FBXW7: variants seen among roughly 807,000 people sequenced by gnomAD.
FBXW7 encodes F-box/WD repeat-containing protein 7.
In FBXW7, 11 loss-of-function variants were observed where a neutral mutation model predicts 86.3. That is an observed-to-expected ratio of 0.13 (90% CI 0.08 to 0.21). The LOEUF (loss-of-function observed/expected upper bound fraction) is 0.21, where lower values mean the gene tolerates loss of function less well. FBXW7 is among the 10% of genes least tolerant of loss of function. The pLI, the probability that FBXW7 is intolerant of heterozygous loss-of-function variation, is 1.00. For missense variants in FBXW7, 488 were observed against 847.4 expected (o/e 0.58, Z 5.27); for synonymous variants, 313 against 297.9 (o/e 1.05, Z -0.52).
At chr4:152,463,986 C>T (rs1177286724) in intron 2 of FBXW7, among the ~76,000 whole-genome samples, 1 of 152,010 alleles carries the variant, frequency 6.6e-6, no homozygotes, top group Non-Finnish European at 1.5e-5. Context: ...AAAACAAATG[C>T]TAAAAAAGAC....
chr4:152,463,331 G>A (rs546296308), intron 2 of FBXW7, among the ~76,000 whole-genome samples: 5 of 152,050 alleles, frequency 3.3e-5, no homozygotes, highest in Admixed American at 3.3e-4. Flanking sequence ...TAGGAAACAT[G>A]TCACCAGAAA....
At chr4:152,399,963 T>C (rs1028135777) in intron 4 of FBXW7, among the ~76,000 whole-genome samples, 2 of 152,102 alleles carry the variant, frequency 1.3e-5, no homozygotes, top group Non-Finnish European at 2.9e-5. Context: ...CTAAAACTTA[T>C]ATGGAGAGGC....
At chr4:152,375,968 T>C (rs1439246791) in intron 4 of FBXW7, among the ~76,000 whole-genome samples, 1 of 152,124 alleles carries the variant, frequency 6.6e-6, no homozygotes, top group Non-Finnish European at 1.5e-5. Context: ...TATATTTATA[T>C]GGCAGATTAT....
At chr4:152,392,682 C>T (rs760817732) in intron 4 of FBXW7, among the ~76,000 whole-genome samples, 1 of 152,008 alleles carries the variant, frequency 6.6e-6, no homozygotes, top group Admixed American at 6.6e-5. Context: ...AATGGATAAC[C>T]GAGACATCTT....
intron 4 of FBXW7, among the ~76,000 whole-genome samples, chr4:152,357,079 G>A (rs543576271): frequency 6.6e-6 from 1 of 152,158 alleles, no homozygotes; most frequent in Admixed American, 6.5e-5. Flanking sequence ...AACAAGATGA[G>A]CCAGCTTTAG....
chr4:152,442,982 G>C (rs1245636081), intron 2 of FBXW7, among the ~76,000 whole-genome samples: 1 of 152,092 alleles, frequency 6.6e-6, no homozygotes, highest in East Asian at 1.9e-4. Flanking sequence ...AGCACCCAAG[G>C]CCAGGCGCGG....
chr4:152,386,669 G>C (rs1340482192), intron 4 of FBXW7, among the ~76,000 whole-genome samples: 1 of 152,000 alleles, frequency 6.6e-6, no homozygotes, highest in Non-Finnish European at 1.5e-5. Context: ...TAGTATCTTA[G>C]CCATAGTGTC....
At chr4:152,362,828 CAAA>C (rs35796895) in intron 4 of FBXW7, among the ~76,000 whole-genome samples, 7 of 79,144 alleles carry the variant, frequency 8.8e-5, no homozygotes, top group Admixed American at 3.0e-4. Flanking sequence ...CTCTCTCTCT[CAAA>C]AAAAAAAAAA....
Position 152,411,588 on chromosome 4 carries a change from G to A in FBXW7, c.216C>T (p.Ser72=), listed in dbSNP as rs1319948779. The A allele has an allele frequency of 6.2e-7, 1 of 1,613,676 alleles. No homozygotes were observed. Among genetic ancestry groups the A allele is most frequent in the Non-Finnish European group, 8.5e-7 (1 of 1,179,846 alleles). Residue 72 remains serine (S), a synonymous_variant, in exon 4 of 14, where the codon TCC becomes TCT. Coordinates refer to ENST00000281708, the MANE Select transcript of FBXW7 (RefSeq NM_001349798.2). The stretch of plus-strand genomic sequence containing the variant: ...TGTTTTCTTCCAACTGTCCTTGCTG[G>A]GAATCATTTTGGCCTCCAGGTCTAG... ...VEPRPGGQND[S]QQGQLEENNN...
chr4:152,424,623 C>G (rs1739219195), intron 2 of FBXW7, among the ~76,000 whole-genome samples: 1 of 152,180 alleles, frequency 6.6e-6, no homozygotes, highest in South Asian at 2.1e-4. Context: ...GAGAACGAAA[C>G]CTGCTCAATT....
intron 2 of FBXW7, among the ~76,000 whole-genome samples, chr4:152,499,557 G>C (rs1448270415): frequency 6.6e-6 from 1 of 151,810 alleles, no homozygotes; most frequent in Non-Finnish European, 1.5e-5. Flanking sequence ...GTAAGAACCA[G>C]AGACTTATCA....
intron 4 of FBXW7, among the ~76,000 whole-genome samples, chr4:152,408,253 T>C (rs551618152): frequency 2.6e-5 from 4 of 152,322 alleles, no homozygotes; most frequent in African/African-American, 9.6e-5. Context: ...TCTCATTTGT[T>C]TTTCATGTTA....
chr4:152,393,422 A>G (rs1437904895), intron 4 of FBXW7, among the ~76,000 whole-genome samples: 1 of 152,166 alleles, frequency 6.6e-6, no homozygotes, highest in Non-Finnish European at 1.5e-5. Flanking sequence ...TCTGTCTTAA[A>G]GTTTTAATTT....
chr4:152,478,669 TTACGTTCCCACCAGTAG>T (rs1744626826), intron 2 of FBXW7, among the ~76,000 whole-genome samples: 2 of 152,238 alleles, frequency 1.3e-5, no homozygotes, highest in South Asian at 4.1e-4. Flanking sequence ...CTGTACCATT[TTACGTTCCCACCAGTAG>T]TGCAGGCATG....
intron 3 of FBXW7, 66 bp from the exon 4 acceptor site, chr4:152,411,938 A>G (rs1738002195): frequency 1.5e-6 from 2 of 1,353,172 alleles, no homozygotes; most frequent in Non-Finnish European, 1.9e-6. Context: ...CTTTCATGTT[A>G]TATGTCTACT....
chr4:152,383,667 A>G (rs1404215356), intron 4 of FBXW7, among the ~76,000 whole-genome samples: 2 of 152,072 alleles, frequency 1.3e-5, no homozygotes, highest in Non-Finnish European at 2.9e-5. Flanking sequence ...TTTGACGGAG[A>G]CAAGAAAGGA....
intron 2 of FBXW7, among the ~76,000 whole-genome samples, chr4:152,439,845 G>A (rs1740719895): frequency 7.4e-6 from 1 of 134,908 alleles, no homozygotes. Flanking sequence ...CAGCCTGGGT[G>A]ACAGAGCAAG....
intron 2 of FBXW7, among the ~76,000 whole-genome samples, chr4:152,458,112 C>T (rs947237445): frequency 3.3e-5 from 5 of 152,112 alleles, no homozygotes; most frequent in African/African-American, 1.2e-4. Context: ...CTCTGCCTCC[C>T]GGGTTCAAGA....
At position 152,466,655 on chromosome 4, in the gene FBXW7, A is replaced by G. The variant is rs561977295; in HGVS notation, c.-119-54126T>C. The stretch of plus-strand genomic sequence containing the variant: ...CACCAAAATATCATTGCTTAAAAAT[A>G]ATCTGGGTTGGGCGTGGTGGCTCAC... On this transcript the variant is annotated intron_variant, in intron 2 of 13. Coordinates refer to ENST00000281708, the MANE Select transcript of FBXW7 (RefSeq NM_001349798.2). Among the ~76,000 whole-genome samples the G allele has an allele frequency of 9.7e-4, 148 of 152,084 alleles. 2 individuals carry two copies. The highest frequency in any genetic ancestry group is 3.4e-3 in the African/African-American group (141 of 41,496).
Sources: allele counts gnomAD v4.1 joint callset (sites outside exome capture counted in the v4.1 genomes callset), GRCh38; gene constraint gnomAD v4.1.1; transcripts MANE v1.5; gene names NCBI Gene and HGNC (gene_info 2026-07-23, HGNC 2026-07-21).